The following DPP6 variants were observed in gnomAD, a reference collection of about 807,000 sequenced individuals.
DPP6 encodes dipeptidyl peptidase like 6, also known as A-type potassium channel modulatory protein DPP6.
Under a neutral mutation model 122.6 loss-of-function variants are expected in DPP6, and 69 were observed. That is an observed-to-expected ratio of 0.56 (90% CI 0.46 to 0.69). The LOEUF is 0.69. DPP6 is among the 30% of genes least tolerant of loss of function. The pLI, the probability that DPP6 is intolerant of heterozygous loss-of-function variation, is 0.00. For missense variants in DPP6, 928 were observed against 1,116.9 expected, an observed-to-expected ratio of 0.83 and a Z score of 2.41; for synonymous variants, 418 against 433.1, an observed-to-expected ratio of 0.97 and a Z score of 0.43.
chr7:154,383,364 A>G (rs933168586), intron 1 of DPP6, among the ~76,000 whole-genome samples: 2 of 152,088 alleles, frequency 1.3e-5, no homozygotes, highest in Admixed American at 1.3e-4. Flanking sequence ...CACATCTCCT[A>G]TTTCTTCTGG....
intron 5 of DPP6, among the ~76,000 whole-genome samples, chr7:154,620,199 G>A (rs1224105496): frequency 3.9e-5 from 6 of 152,110 alleles, no homozygotes; most frequent in South Asian, 2.1e-4. Flanking sequence ...TTTTAACTCT[G>A]GGAAAATGTA....
At chr7:153,876,929 GAAAT>G in the DPP6 span, among the ~76,000 whole-genome samples, 1 of 151,940 alleles carries the variant, frequency 6.6e-6, no homozygotes, top group African/African-American at 2.4e-5. Flanking sequence ...TATGGCATAA[GAAAT>G]AAATAATGTT....
intron 1 of DPP6, among the ~76,000 whole-genome samples, chr7:154,191,144 C>G (rs116965737): frequency 2.6e-5 from 4 of 152,186 alleles, no homozygotes; most frequent in Admixed American, 1.3e-4. Flanking sequence ...ATCCTATGCT[C>G]TGACTGCTGA....
intron 1 of DPP6, among the ~76,000 whole-genome samples, chr7:154,298,268 C>CCACACACACACACACA (rs773227930): frequency 0.012 from 1,827 of 150,350 alleles, 27 homozygotes; most frequent in African/African-American, 0.02. Context: ...CTCTCTCTCT[C>CCACACACACACACACA]CACACACACA....
At chr7:154,346,804 A>G (rs1376101069) in intron 1 of DPP6, among the ~76,000 whole-genome samples, 1 of 152,238 alleles carries the variant, frequency 6.6e-6, no homozygotes, top group Non-Finnish European at 1.5e-5. Context: ...CTGCAAAATA[A>G]CAAATGCTTT....
chr7:154,356,174 A>G (rs1346069692), intron 1 of DPP6, among the ~76,000 whole-genome samples: 1 of 151,988 alleles, frequency 6.6e-6, no homozygotes, highest in Non-Finnish European at 1.5e-5. Flanking sequence ...GTGTGTTTAT[A>G]TGAGTGAAAT....
intron 10 of DPP6, among the ~76,000 whole-genome samples, chr7:154,791,260 AT>A (rs1797661825): frequency 6.6e-6 from 1 of 151,216 alleles, no homozygotes. Context: ...TCTCAAAAAA[AT>A]AAAAATAAAA....
At chr7:154,405,974 G>A (rs1471162135) in intron 1 of DPP6, among the ~76,000 whole-genome samples, 2 of 152,156 alleles carry the variant, frequency 1.3e-5, no homozygotes, top group African/African-American at 4.8e-5. Flanking sequence ...AATGCGATGC[G>A]TAACATAAAT....
chr7:154,862,492 T>G (rs1803491703), intron 17 of DPP6, among the ~76,000 whole-genome samples: 1 of 152,206 alleles, frequency 6.6e-6, no homozygotes, highest in Non-Finnish European at 1.5e-5. Context: ...AAGCTGGCAT[T>G]TGGCTAACAC....
chr7:153,855,962 G>A, the DPP6 span, among the ~76,000 whole-genome samples: 2 of 152,140 alleles, frequency 1.3e-5, no homozygotes, highest in African/African-American at 4.8e-5. Context: ...TGCCATAGGT[G>A]ACTCAGAAGT....
At chr7:154,750,083 GC>G (rs1843298251) in intron 8 of DPP6, among the ~76,000 whole-genome samples, 1 of 152,150 alleles carries the variant, frequency 6.6e-6, no homozygotes, top group Non-Finnish European at 1.5e-5. Context: ...TAGAGAAGGT[GC>G]AAAGGAGAGC....
intron 2 of DPP6, among the ~76,000 whole-genome samples, chr7:154,459,831 AAAAAG>A (rs1200440938): frequency 3.8e-4 from 57 of 150,624 alleles, no homozygotes; most frequent in African/African-American, 9.5e-4. Context: ...AAAAGAAAAG[AAAAAG>A]AAAAGAAAAG....
intron 1 of DPP6, among the ~76,000 whole-genome samples, chr7:153,949,732 C>G (rs1408019795): frequency 6.6e-6 from 1 of 152,212 alleles, no homozygotes; most frequent in Non-Finnish European, 1.5e-5. Context: ...ACCGAGTTTA[C>G]TGTGTGTAAC....
chr7:154,468,445 C>A (rs376004931), intron 2 of DPP6, among the ~76,000 whole-genome samples: 24 of 152,244 alleles, frequency 1.6e-4, no homozygotes, highest in Middle Eastern at 3.4e-3. Context: ...CTTTAAATGG[C>A]TAAGTTTTAT....
At chr7:154,417,348 C>T (rs1166942624) in intron 1 of DPP6, among the ~76,000 whole-genome samples, 2 of 152,186 alleles carry the variant, frequency 1.3e-5, no homozygotes, top group Admixed American at 6.5e-5. Context: ...TGATGGCCCC[C>T]CATGCTGCTA....
chr7:154,060,338 C>CA (rs1245628184), intron 1 of DPP6, among the ~76,000 whole-genome samples: 2 of 130,504 alleles, frequency 1.5e-5, no homozygotes, highest in East Asian at 2.3e-4. Context: ...GAGGGGGAGG[C>CA]ACCCCCCGCG....
chr7:154,579,421 G>A (rs550220647), intron 5 of DPP6, among the ~76,000 whole-genome samples: 1 of 152,298 alleles, frequency 6.6e-6, no homozygotes. Flanking sequence ...ATGCAAGTAC[G>A]AAAATTCATG....
rs1237573920 is a variant in DPP6 at position 154,486,236 on chromosome 7, C to T, written c.457+11199C>T. ...GCAACCTCCGCCTCCCTGATTCAAG[C>T]GATTCTTCCGCTTCAGCCTCCTGAG... On this transcript the variant is annotated intron_variant, in intron 3 of 25. Transcript: ENST00000377770. The surrounding 1 kb of genome is among the most constrained non-coding windows in gnomAD (Gnocchi z 4.5). Among the ~76,000 whole-genome samples, 4 of 151,968 alleles carry T rather than the reference C, an allele frequency of 2.6e-5. No individual in the cohort carries two copies. Among genetic ancestry groups the T allele is most frequent in the African/African-American group, 4.8e-5 (2 of 41,338 alleles).
intron 1 of DPP6, among the ~76,000 whole-genome samples, chr7:154,013,528 T>G (rs1798257366): frequency 6.7e-6 from 1 of 149,992 alleles, no homozygotes; most frequent in Non-Finnish European, 1.5e-5. Flanking sequence ...TACAACCAAA[T>G]ATAGTTAAAA....
Sources: allele counts gnomAD v4.1 joint callset (sites outside exome capture counted in the v4.1 genomes callset), GRCh38; gene constraint gnomAD v4.1.1; non-coding constraint Gnocchi (gnomAD v3.1); transcripts MANE v1.5; gene names NCBI Gene and HGNC (gene_info 2026-07-23, HGNC 2026-07-21).